Variants in GPNMB observed in about 807,000 individuals in gnomAD.
GPNMB encodes transmembrane glycoprotein NMB.
GPNMB carries 71 observed loss-of-function variants against 57.3 expected under a neutral mutation model. The observed-to-expected ratio is 1.24, with a 90% CI of 1.02 to 1.51. GPNMB has a LOEUF of 1.51. GPNMB is among the 40% of genes most tolerant of loss of function. The pLI, the probability that GPNMB is intolerant of heterozygous loss-of-function variation, is 0.00. For synonymous variants in GPNMB, 253 were observed against 263.2 expected (o/e 0.96, Z 0.38); for missense variants, 677 against 691.9 (o/e 0.98, Z 0.24).
intron 7 of GPNMB, among the ~76,000 whole-genome samples, chr7:23,267,291 G>C (rs1783088081): frequency 6.6e-6 from 1 of 152,240 alleles, no homozygotes; most frequent in Admixed American, 6.5e-5. Context: ...ATCTAGGCTG[G>C]ACTGAAAAAC....
intron 10 of GPNMB, 96 bp downstream of exon 10, chr7:23,273,710 T>A: frequency 2.4e-6 from 2 of 836,484 alleles, no homozygotes; most frequent in Non-Finnish European, 4.0e-6. Flanking sequence ...TTTTTGCTTT[T>A]AAACATTTTG....
At position 23,274,864 on chromosome 7, in the gene GPNMB, G is replaced by A. The variant is rs1783299502; in HGVS notation, c.*640G>A. ...CATTTATTCCATGGACATTTAGTTAGTGCTTTTTATATACCAGGCATGATG... is the reference window on the plus strand; with the variant it reads ...CATTTATTCCATGGACATTTAGTTAATGCTTTTTATATACCAGGCATGATG... On this transcript the variant is annotated 3_prime_UTR_variant, in exon 11 of 11. Coordinates refer to ENST00000258733, the MANE Select transcript of GPNMB (RefSeq NM_002510.3). The A allele has an allele frequency of 6.6e-6, 1 of 152,106 alleles. No individual in the cohort carries two copies. Among genetic ancestry groups the A allele is most frequent in the African/African-American group, 2.4e-5 (1 of 41,428 alleles). The allele number at this position is 152,106 out of a possible 1,614,324, so 9.4% of individuals were successfully genotyped here. A position where few individuals can be genotyped will look rare whatever the true frequency, so the allele number is the denominator to read the frequency against.
chr7:23,266,650 G>T, intron 7 of GPNMB, 35 bp downstream of exon 7: 1 of 1,603,818 alleles, frequency 6.2e-7, no homozygotes, highest in Non-Finnish European at 8.5e-7. Flanking sequence ...GAGGAAGGAT[G>T]CTAGACTCCA....
At chr7:23,264,014 T>C (rs570101494) in intron 6 of GPNMB, among the ~76,000 whole-genome samples, 16 of 152,058 alleles carry the variant, frequency 1.1e-4, no homozygotes, top group African/African-American at 3.9e-4. Context: ...GGCAGATGCA[T>C]GTGTGCTATT....
intron 1 of GPNMB, chr7:23,250,671 G>C (rs1782640841): frequency 6.6e-6 from 1 of 152,094 alleles, no homozygotes; most frequent in Non-Finnish European, 1.5e-5. Flanking sequence ...CTCCTTTTAA[G>C]TTTATACTTT....
In GPNMB at chr7:23,274,080, C is replaced by G; in HGVS notation, c.1539C>G (p.Tyr513Ter). 1.2e-6 allele frequency: 2 copies of G among 1,610,746 alleles called. No individual in the cohort carries two copies. The highest frequency in any genetic ancestry group is 8.5e-7 in the Non-Finnish European group (1 of 1,178,156). The stretch of plus-strand genomic sequence containing the variant: ...TTGTTTTCAGAAAACACAAGGAATA[C>G]AACCCAATAGAAAATAGTCCTGGGA... ...SLLVYKKHKEYNPIENSPGNV... is the reference protein window; with the variant it reads ...SLLVYKKHKE Residue 513 changes from tyrosine (Y) to a stop codon, truncating the protein, a stop_gained, in exon 11 of 11, where the codon TAC (tyrosine) becomes TAG (stop). Transcript: ENST00000258733. LOFTEE classifies it low-confidence loss of function (END_TRUNC).
chr7:23,246,942 A>C lies in GPNMB; in HGVS notation c.70+15A>C, dbSNP rs771689044. 4.0e-5 allele frequency: 63 copies of C among 1,593,876 alleles called. No individual in the cohort carries two copies. Among genetic ancestry groups the C allele is most frequent in the Non-Finnish European group, 5.3e-5 (61 of 1,161,798 alleles). On this transcript the variant is annotated intron_variant, in intron 1 of 10. Transcript: ENST00000258733. ...TGCCGCCAAACGTGAGTAACCCTTA[A>C]TTTCTATGTTTAACCCATTCTCTGG...
chr7:23,260,547 T>C lies in GPNMB; in HGVS notation c.792T>C (p.Asp264=), dbSNP rs1163673596. ...TCAAAGATCTCCCCATTATGTTTGA[T>C]GTCCTGATTCATGATCCTAGCCACT... ...TFLKDLPIMF[D]VLIHDPSHFL... is the part of the protein sequence containing the mutation. The change falls in exon 6 of 11, where the codon GAT becomes GAC. Residue 264 remains aspartate (D), a synonymous_variant. Coordinates refer to ENST00000258733, the MANE Select transcript of GPNMB (RefSeq NM_002510.3). 2 of 1,613,340 alleles carry C rather than the reference T, an allele frequency of 1.2e-6. No individual in the cohort carries two copies. Among genetic ancestry groups the C allele is most frequent in the East Asian group, 4.5e-5 (2 of 44,890 alleles).
In GPNMB at chr7:23,266,985, G is replaced by A. The variant is rs556867802; in HGVS notation, c.1117+370G>A. 5.1e-4 allele frequency among the ~76,000 whole-genome samples: 77 copies of A among 152,346 alleles called. 1 individual carries two copies. The South Asian group carries it at 9.7e-3, about 19-fold the overall frequency. On this transcript the variant is annotated intron_variant, in intron 7 of 10. Transcript: ENST00000258733. ...CCCCTAGTTAATTTTCACAAAGTCA[G>A]ACTTGTATGTGAAAAGGGGAAAGAG...
Position 23,274,233 on chromosome 7 carries a change from C to T in GPNMB, c.*9C>T. On this transcript the variant is annotated 3_prime_UTR_variant, in exon 11 of 11. Transcript: ENST00000258733. The stretch of plus-strand genomic sequence containing the variant: ...TTAAAGGAGTTTCTTAAATTTCGAC[C>T]TTGTTTCTGAAGCTCACTTTTCAGT... The T allele has an allele frequency of 6.2e-7, 1 of 1,609,216 alleles. No homozygotes were observed. The highest frequency in any genetic ancestry group is 1.7e-4 in the Middle Eastern group (1 of 6,040).
intron 6 of GPNMB, among the ~76,000 whole-genome samples, chr7:23,263,042 T>A (rs562484012): frequency 6.6e-6 from 1 of 152,214 alleles, no homozygotes; most frequent in South Asian, 2.1e-4. Flanking sequence ...CAATTTTTTT[T>A]ATCTACAACT....
rs745549323 is a variant in GPNMB at position 23,254,175 on chromosome 7, G to A, written c.230G>A (p.Arg77His). 2.1e-5 allele frequency: 34 copies of A among 1,612,032 alleles called. No individual in the cohort carries two copies. Among genetic ancestry groups the A allele is most frequent in the East Asian group, 6.7e-5 (3 of 44,818 alleles). The change falls in exon 3 of 11, where the codon CGT becomes CAT. Residue 77 changes from arginine (R) to histidine (H), a missense_variant. Arg to His is a conservative substitution (Grantham distance 29). Coordinates refer to ENST00000258733, the MANE Select transcript of GPNMB (RefSeq NM_002510.3). Reference sequence around the variant, plus strand: ...CCACTTTTTTATACCCTAGGAGGCCGTGTGCAGGCGGTCCTGACCAGTGAC... The same window carrying A: ...CCACTTTTTTATACCCTAGGAGGCCATGTGCAGGCGGTCCTGACCAGTGAC... ...MRWKNSWKGG[R>H]VQAVLTSDSP...
Position 23,259,971 on chromosome 7 carries a change from CT to C in GPNMB, c.542-8del, listed in dbSNP as rs779896156. On this transcript the variant is annotated splice_polypyrimidine_tract_variant and splice_region_variant and intron_variant, in intron 4 of 10. Transcript: ENST00000258733. ...CAGCCAATAACTAAAAATTTCCATC[CT>C]CCCAAAGGTCAGTATTTCCAGAAAT... is the stretch of plus-strand genomic sequence containing the variant. The C allele has an allele frequency of 3.7e-6, 6 of 1,613,310 alleles. No individual in the cohort carries two copies. The highest frequency in any genetic ancestry group is 1.7e-6 in the Non-Finnish European group (2 of 1,179,404).
intron 6 of GPNMB, among the ~76,000 whole-genome samples, chr7:23,263,252 A>G (rs967851768): frequency 1.4e-4 from 22 of 152,188 alleles, no homozygotes; most frequent in African/African-American, 4.8e-4. Flanking sequence ...TTAAAAATAT[A>G]TTTGAAGCCA....
intron 1 of GPNMB, among the ~76,000 whole-genome samples, chr7:23,251,912 G>A (rs1015919630): frequency 6.6e-6 from 1 of 152,196 alleles, no homozygotes; most frequent in Non-Finnish European, 1.5e-5. Flanking sequence ...GAGGAGGCGT[G>A]CAGGCGGGAA....
intron 2 of GPNMB, 69 bp from the exon 3 acceptor site, chr7:23,254,100 A>G: frequency 6.9e-7 from 1 of 1,451,518 alleles, no homozygotes; most frequent in East Asian, 2.3e-5. Context: ...TAATAAAGTT[A>G]GCTCTAAATG....
intron 7 of GPNMB, among the ~76,000 whole-genome samples, chr7:23,267,052 G>T (rs1783081668): frequency 6.6e-6 from 1 of 152,192 alleles, no homozygotes; most frequent in Non-Finnish European, 1.5e-5. Context: ...ACAGCCCTAA[G>T]GCATACAACA....
At position 23,266,667 on chromosome 7, in the gene GPNMB, G is replaced by T. The variant is rs1289760893; in HGVS notation, c.1117+52G>T. 6 of 1,557,324 alleles carry T rather than the reference G, an allele frequency of 3.9e-6. No homozygotes were observed. In the South Asian group the frequency reaches 5.8e-5, roughly 15 times the overall value. The stretch of plus-strand genomic sequence containing the variant: ...GGAAGGATGCTAGACTCCACCTAGG[G>T]TCACCCACTCTCTCTGCTAACTCTG... On this transcript the variant is annotated intron_variant, in intron 7 of 10. Transcript: ENST00000258733.
At position 23,261,547 on chromosome 7, in the gene GPNMB, C is replaced by T. The variant is rs542621199; in HGVS notation, c.1018+774C>T. Among the ~76,000 whole-genome samples the T allele has an allele frequency of 4.6e-5, 7 of 152,148 alleles. No individual in the cohort carries two copies. The South Asian group carries it at 8.3e-4, about 18-fold the overall frequency. On this transcript the variant is annotated intron_variant, in intron 6 of 10. Coordinates refer to ENST00000258733, the MANE Select transcript of GPNMB (RefSeq NM_002510.3). ...ATCACAAGGACAGAAAACCAAACGC[C>T]GCATGTTCTCATTCACAGGTGGGAA...
Sources: allele counts gnomAD v4.1 joint callset (sites outside exome capture counted in the v4.1 genomes callset), GRCh38; gene constraint gnomAD v4.1.1; transcripts MANE v1.5; gene names NCBI Gene and HGNC (gene_info 2026-07-23, HGNC 2026-07-21).